Variants in KCND2 observed in about 807,000 individuals in gnomAD.
The protein encoded by KCND2 is A-type voltage-gated potassium channel KCND2.
In KCND2, 16 loss-of-function variants were observed where a neutral mutation model predicts 54.4. The observed-to-expected ratio is 0.29, with a 90% CI of 0.20 to 0.45. The LOEUF (loss-of-function observed/expected upper bound fraction) is 0.45, where lower values mean the gene tolerates loss of function less well. KCND2 is among the 20% of genes least tolerant of loss of function. The pLI is 1.00. For synonymous variants in KCND2, 317 were observed against 310.7 expected (o/e 1.02, Z -0.21); for missense variants, 486 against 824.2 (o/e 0.59, Z 5.02).
intron 1 of KCND2, among the ~76,000 whole-genome samples, chr7:120,578,335 A>C (rs1792465841): frequency 6.6e-6 from 1 of 152,054 alleles, no homozygotes; most frequent in Non-Finnish European, 1.5e-5. Context: ...GTATTCATTC[A>C]AAAAAATCCT....
chr7:120,616,278 A>G (rs1466024220), intron 1 of KCND2, among the ~76,000 whole-genome samples: 1 of 152,224 alleles, frequency 6.6e-6, no homozygotes, highest in Non-Finnish European at 1.5e-5. Context: ...TTTCTCAACT[A>G]GAAAATTGAG....
chr7:120,734,104 A>C (rs974047699), intron 2 of KCND2, among the ~76,000 whole-genome samples: 1 of 152,116 alleles, frequency 6.6e-6, no homozygotes, highest in Non-Finnish European at 1.5e-5. Flanking sequence ...TACAGGCAGT[A>C]AAAGGAAAGT....
intron 1 of KCND2, among the ~76,000 whole-genome samples, chr7:120,354,686 G>A (rs1441202014): frequency 1.3e-5 from 2 of 152,224 alleles, no homozygotes; most frequent in African/African-American, 4.8e-5. Flanking sequence ...AGAAGTTCAA[G>A]GATGCAGTGA....
At chr7:120,310,150 G>C (rs565554393) in intron 1 of KCND2, among the ~76,000 whole-genome samples, 7 of 152,076 alleles carry the variant, frequency 4.6e-5, no homozygotes, top group Non-Finnish European at 1.0e-4. Context: ...ATGGGACGGA[G>C]GAAAAGATAG....
intron 1 of KCND2, among the ~76,000 whole-genome samples, chr7:120,718,198 A>G (rs1792626410): frequency 6.6e-6 from 1 of 152,184 alleles, no homozygotes. Flanking sequence ...TTGAAGAAAT[A>G]CATTTTACAG....
intron 1 of KCND2, among the ~76,000 whole-genome samples, chr7:120,354,708 G>A (rs181889780): frequency 2.3e-3 from 349 of 152,222 alleles, no homozygotes; most frequent in African/African-American, 7.3e-3. Context: ...CTATGATGGC[G>A]CCACTGCGGC....
At chr7:120,449,950 C>T (rs920129509) in intron 1 of KCND2, among the ~76,000 whole-genome samples, 2 of 152,184 alleles carry the variant, frequency 1.3e-5, no homozygotes, top group Non-Finnish European at 2.9e-5. Context: ...GATAAGAATG[C>T]CAAAGGCAAG....
intron 1 of KCND2, among the ~76,000 whole-genome samples, chr7:120,684,788 G>A (rs769645768): frequency 2.6e-5 from 4 of 152,062 alleles, no homozygotes; most frequent in Admixed American, 6.6e-5. Flanking sequence ...GGTCAGCAGC[G>A]GTTTTAGAAT....
At chr7:120,559,102 G>C (rs1792201233) in intron 1 of KCND2, among the ~76,000 whole-genome samples, 1 of 151,898 alleles carries the variant, frequency 6.6e-6, no homozygotes, top group African/African-American at 2.4e-5. Context: ...AAAAAAATTG[G>C]AAATGTTAAT....
At chr7:120,680,369 G>A (rs1366451176) in intron 1 of KCND2, among the ~76,000 whole-genome samples, 6 of 152,008 alleles carry the variant, frequency 3.9e-5, no homozygotes, top group Admixed American at 1.3e-4. Flanking sequence ...ATTCCTACAT[G>A]CACATGTGAT....
At chr7:120,623,790 A>C (rs1793132365) in intron 1 of KCND2, among the ~76,000 whole-genome samples, 1 of 152,186 alleles carries the variant, frequency 6.6e-6, no homozygotes, top group Admixed American at 6.5e-5. Context: ...TAAGAATTTA[A>C]CCAGGTCCTG....
intron 1 of KCND2, among the ~76,000 whole-genome samples, chr7:120,403,004 C>T (rs1401381166): frequency 6.6e-6 from 1 of 152,154 alleles, no homozygotes; most frequent in Non-Finnish European, 1.5e-5. Context: ...AGATACTGAA[C>T]TTACATAACA....
chr7:120,280,716 A>G (rs1382393225), intron 1 of KCND2, among the ~76,000 whole-genome samples: 2 of 147,524 alleles, frequency 1.4e-5, no homozygotes, highest in East Asian at 3.9e-4. Context: ...TGGCTTGTCC[A>G]TAGTTACATA....
intron 1 of KCND2, among the ~76,000 whole-genome samples, chr7:120,661,261 T>G (rs1378868322): frequency 6.6e-6 from 1 of 152,158 alleles, no homozygotes; most frequent in African/African-American, 2.4e-5. Flanking sequence ...TGTTATTTTT[T>G]TAAAATAATA....
At chr7:120,654,476 A>G (rs576410474) in intron 1 of KCND2, among the ~76,000 whole-genome samples, 4 of 152,346 alleles carry the variant, frequency 2.6e-5, no homozygotes, top group African/African-American at 9.6e-5. Context: ...AATTCTAGGA[A>G]TGCATTCTGC....
intron 1 of KCND2, among the ~76,000 whole-genome samples, chr7:120,682,427 C>G (rs552487548): frequency 9.9e-5 from 15 of 152,076 alleles, no homozygotes; most frequent in African/African-American, 3.6e-4. Context: ...ACTAGTAATT[C>G]AAAAAGAATG....
At chr7:120,634,223 C>T (rs570485805) in intron 1 of KCND2, among the ~76,000 whole-genome samples, 14 of 152,096 alleles carry the variant, frequency 9.2e-5, no homozygotes, top group African/African-American at 3.4e-4. Flanking sequence ...GTTCAACAAG[C>T]AAAAAATATG....
At chr7:120,579,823 A>C (rs1792492823) in intron 1 of KCND2, among the ~76,000 whole-genome samples, 1 of 152,120 alleles carries the variant, frequency 6.6e-6, no homozygotes, top group Admixed American at 6.5e-5. Flanking sequence ...CACTGTAATT[A>C]TCTGTGGAAT....
intron 1 of KCND2, among the ~76,000 whole-genome samples, chr7:120,401,052 T>A (rs1801245581): frequency 6.6e-6 from 1 of 151,872 alleles, no homozygotes; most frequent in Non-Finnish European, 1.5e-5. Flanking sequence ...GAGGTCAGCA[T>A]GAGTAGAAGG....
Sources: gnomAD v4.1 joint callset for allele counts (sites outside exome capture counted in the v4.1 genomes callset) on GRCh38, gnomAD v4.1.1 for gene constraint, MANE v1.5 for transcripts, NCBI Gene and HGNC (gene_info 2026-07-23, HGNC 2026-07-21) for gene names.